The following RAPGEF5 variants were observed in gnomAD, a reference collection of about 807,000 sequenced individuals.
RAPGEF5 encodes the protein M-Ras-regulated GEF.
Under a neutral mutation model 125.2 loss-of-function variants are expected in RAPGEF5, and 65 were observed. The ratio of observed to expected loss-of-function variants is 0.52; its 90% confidence interval spans 0.43 to 0.64. The LOEUF (loss-of-function observed/expected upper bound fraction) is 0.64. RAPGEF5 is among the 30% of genes least tolerant of loss of function. RAPGEF5 has a pLI of 0.00. For missense variants in RAPGEF5, 958 were observed against 1,048.1 expected (o/e 0.91, Z 1.19); for synonymous variants, 391 against 385.9 (o/e 1.01, Z -0.16).
At chr7:22,187,268 G>C (rs975147610) in intron 11 of RAPGEF5, among the ~76,000 whole-genome samples, 8 of 152,116 alleles carry the variant, frequency 5.3e-5, no homozygotes, top group Admixed American at 4.6e-4. Flanking sequence ...AGAAAATATA[G>C]ATCCCTTTGA....
In RAPGEF5 at chr7:22,150,545, A is replaced by G. The variant is rs372309583; in HGVS notation, c.1787-41T>C. The G allele has an allele frequency of 7.9e-5, 124 of 1,577,838 alleles. No homozygotes were observed. The African/African-American group carries it at 1.6e-3, about 20-fold the overall frequency. Reference sequence around the variant, plus strand: ...AAAAAAAAAAAAGGAATAATCAGAAATACAAGAGTAGCAGCAGTAGGCCTA... The same window carrying G: ...AAAAAAAAAAAAGGAATAATCAGAAGTACAAGAGTAGCAGCAGTAGGCCTA... On this transcript the variant is annotated intron_variant, in intron 17 of 25. Transcript: ENST00000665637.
chr7:22,252,357 T>A (rs1260665763), intron 7 of RAPGEF5, among the ~76,000 whole-genome samples: 1 of 152,170 alleles, frequency 6.6e-6, no homozygotes, highest in African/African-American at 2.4e-5. Flanking sequence ...TCAATTAGCT[T>A]TGTCTACTAA....
intron 24 of RAPGEF5, among the ~76,000 whole-genome samples, chr7:22,130,204 T>C (rs879861268): frequency 1.3e-5 from 2 of 152,206 alleles, no homozygotes; most frequent in African/African-American, 2.4e-5. Context: ...TCTATGACAC[T>C]AAAGTTCATC....
intron 1 of RAPGEF5, among the ~76,000 whole-genome samples, chr7:22,335,468 C>T (rs147106992): frequency 6.6e-6 from 1 of 152,244 alleles, no homozygotes; most frequent in Non-Finnish European, 1.5e-5. Context: ...CCACACCTAC[C>T]TCAAGGCTAG....
intron 11 of RAPGEF5, among the ~76,000 whole-genome samples, chr7:22,182,543 G>A (rs1266413347): frequency 2.0e-5 from 3 of 152,104 alleles, no homozygotes; most frequent in Non-Finnish European, 2.9e-5. Context: ...AACCACATGC[G>A]TTTCTACTAA....
chr7:22,349,602 GAAA>G, intron 1 of RAPGEF5, among the ~76,000 whole-genome samples: 1 of 152,162 alleles, frequency 6.6e-6, no homozygotes, highest in Non-Finnish European at 1.5e-5. Flanking sequence ...CATGTACCCT[GAAA>G]ATATGTATCA....
chr7:22,351,775 T>G (rs565228083), intron 1 of RAPGEF5, among the ~76,000 whole-genome samples: 22 of 152,342 alleles, frequency 1.4e-4, no homozygotes, highest in African/African-American at 5.3e-4. Flanking sequence ...CATACTGGTA[T>G]ATAATTTGGA....
chr7:22,145,023 C>T (rs1416405805), intron 20 of RAPGEF5, 21 bp downstream of exon 20: 1 of 1,607,778 alleles, frequency 6.2e-7, no homozygotes. Flanking sequence ...AGGAATGGCA[C>T]TTCTCACACT....
intron 6 of RAPGEF5, among the ~76,000 whole-genome samples, chr7:22,273,258 G>A (rs12700368): frequency 0.089 from 11,479 of 129,626 alleles, 680 homozygotes; most frequent in East Asian, 0.32. Context: ...TGGCTCTGTC[G>A]CCCAGGCTTG....
intron 11 of RAPGEF5, among the ~76,000 whole-genome samples, chr7:22,169,724 G>A (rs1784284901): frequency 6.6e-6 from 1 of 150,956 alleles, no homozygotes; most frequent in African/African-American, 2.4e-5. Context: ...GCTGGGTGTG[G>A]TGGCATATGC....
chr7:22,171,688 G>T lies in RAPGEF5; in HGVS notation c.1205-4540C>A, dbSNP rs888467418. 1.9e-4 allele frequency among the ~76,000 whole-genome samples: 29 copies of T among 152,058 alleles called. No individual in the cohort carries two copies. The East Asian group carries it at 4.9e-3, about 26-fold the overall frequency. ...TAATTTTTGTATTTTTAGTAGAGATGGGGGTTTCACCATGTTGGCCAGGCT... is the reference window on the plus strand; with the variant it reads ...TAATTTTTGTATTTTTAGTAGAGATTGGGGTTTCACCATGTTGGCCAGGCT... On this transcript the variant is annotated intron_variant, in intron 11 of 25. Coordinates refer to ENST00000665637, the MANE Select transcript of RAPGEF5 (RefSeq NM_012294.5).
At chr7:22,348,991 T>G (rs1167562361) in intron 1 of RAPGEF5, among the ~76,000 whole-genome samples, 2 of 149,906 alleles carry the variant, frequency 1.3e-5, no homozygotes, top group Admixed American at 1.3e-4. Context: ...GGAGGGAGGC[T>G]GAGGCACAAG....
At chr7:22,210,362 C>T (rs758843487) in intron 9 of RAPGEF5, among the ~76,000 whole-genome samples, 1 of 152,206 alleles carries the variant, frequency 6.6e-6, no homozygotes, top group Non-Finnish European at 1.5e-5. Flanking sequence ...TTCTCTAAAT[C>T]CTAGCCAAGG....
At chr7:22,312,724 TC>T (rs1429725037) in intron 3 of RAPGEF5, among the ~76,000 whole-genome samples, 2 of 152,220 alleles carry the variant, frequency 1.3e-5, no homozygotes, top group Non-Finnish European at 1.5e-5. Context: ...ATGATCCCTT[TC>T]TATTTCCCCC....
intron 9 of RAPGEF5, among the ~76,000 whole-genome samples, chr7:22,195,627 T>C (rs1022932453): frequency 5.3e-5 from 8 of 152,178 alleles, no homozygotes; most frequent in Non-Finnish European, 4.4e-5. Context: ...CAATGTGTAA[T>C]TGCTATCTTT....
rs77348242 is a variant in RAPGEF5, at chr7:22,272,304, T to C, written c.748-5292A>G. Among the ~76,000 whole-genome samples the C allele has an allele frequency of 2.7e-3, 376 of 141,840 alleles. 8 individuals carry two copies. The East Asian group carries it at 0.051, about 19-fold the overall frequency. 93.1% of individuals were successfully genotyped at this position (141,840 alleles called of 152,430 possible). A position where few individuals can be genotyped will look rare whatever the true frequency, so the allele number is the denominator to read the frequency against. ...GTTGCAGTGAGCTGAGACCACGCCA[T>C]TGCACTTCAGCCTGGGCAACAGAGC... On this transcript the variant is annotated intron_variant, in intron 6 of 25. Transcript: ENST00000665637.
intron 6 of RAPGEF5, among the ~76,000 whole-genome samples, chr7:22,283,458 C>T (rs867236211): frequency 1.3e-5 from 2 of 152,110 alleles, no homozygotes; most frequent in African/African-American, 4.8e-5. Context: ...TATGGGCACA[C>T]CATACAAAGC....
At chr7:22,313,475 A>G (rs1783519531) in intron 3 of RAPGEF5, among the ~76,000 whole-genome samples, 1 of 152,216 alleles carries the variant, frequency 6.6e-6, no homozygotes, top group African/African-American at 2.4e-5. Context: ...TTAAACCCAG[A>G]ATATTAATGA....
chr7:22,345,874 A>G (rs1784215083), intron 1 of RAPGEF5, among the ~76,000 whole-genome samples: 1 of 152,128 alleles, frequency 6.6e-6, no homozygotes, highest in Non-Finnish European at 1.5e-5. Context: ...TTATGGCCAA[A>G]CAAACCATTT....
Sources: gnomAD v4.1 joint callset for allele counts (sites outside exome capture counted in the v4.1 genomes callset) on GRCh38, gnomAD v4.1.1 for gene constraint, MANE v1.5 for transcripts, NCBI Gene and HGNC (gene_info 2026-07-23, HGNC 2026-07-21) for gene names.